Variants in NBPF11 observed in about 807,000 individuals in gnomAD.
The protein encoded by NBPF11 is NBPF family member NBPF11.
In NBPF11, 72 loss-of-function variants were observed where a neutral mutation model predicts 93.9. The ratio of observed to expected loss-of-function variants is 0.77; its 90% CI spans 0.63 to 0.93. The LOEUF (loss-of-function observed/expected upper bound fraction) is 0.93, where lower values mean the gene tolerates loss of function less well. Among genes scored for constraint, NBPF11 ranks in the 40% least tolerant of loss-of-function variants. NBPF11 has a pLI of 0.00. For missense variants in NBPF11, 705 were observed against 802.2 expected, an observed-to-expected ratio of 0.88 and a Z score of 1.46; for synonymous variants, 224 against 304.9, an observed-to-expected ratio of 0.73 and a Z score of 2.76.
intron 21 of NBPF11, among the ~76,000 whole-genome samples, chr1:148,105,756 A>T (rs1331289017): frequency 1.1e-5 from 1 of 94,458 alleles, no homozygotes; most frequent in Non-Finnish European, 1.9e-5. Context: ...AAACACACAC[A>T]CAAAGACACA....
At chr1:148,122,583 C>G (rs1668118199) in intron 8 of NBPF11, 146 bp downstream of exon 8, 12 of 1,221,252 alleles carry the variant, frequency 9.8e-6, no homozygotes, top group Admixed American at 3.4e-5. Flanking sequence ...AGCTGCCGCA[C>G]CCTGTGTCTA....
intron 6 of NBPF11, among the ~76,000 whole-genome samples, 198 bp from the exon 7 acceptor site, chr1:148,124,265 C>T (rs1220590823): frequency 6.6e-6 from 1 of 151,856 alleles, no homozygotes; most frequent in Admixed American, 6.6e-5. Flanking sequence ...GAGAGGGCTC[C>T]TGCAAGATCC....
intron 21 of NBPF11, among the ~76,000 whole-genome samples, chr1:148,105,843 C>A (rs1341483393): frequency 7.2e-6 from 1 of 139,330 alleles, no homozygotes; most frequent in Admixed American, 7.1e-5. Flanking sequence ...AGTAACAGGA[C>A]ACTCTGAGTT....
chr1:148,111,474 C>G (rs1180217315), intron 15 of NBPF11, among the ~76,000 whole-genome samples: 1 of 151,848 alleles, frequency 6.6e-6, no homozygotes, highest in African/African-American at 2.4e-5. Context: ...GGAGGATGTG[C>G]GAACTCATCG....
chr1:148,146,522 TG>T, intron 1 of NBPF11: 1 of 1,601,960 alleles, frequency 6.2e-7, no homozygotes. Context: ...GAGCCCGAGC[TG>T]GGGCCTGGTG....
At chr1:148,142,027 AG>A (rs1672258967) in intron 2 of NBPF11, among the ~76,000 whole-genome samples, 2 of 128,824 alleles carry the variant, frequency 1.6e-5, no homozygotes, top group Admixed American at 8.0e-5. Flanking sequence ...GAAGGAAGGA[AG>A]GGAGGGAGGA....
chr1:148,146,920 A>C, intron 1 of NBPF11: 1 of 1,600,302 alleles, frequency 6.2e-7, no homozygotes. Flanking sequence ...CCTGCGCACC[A>C]GGTGAGGGCG....
At chr1:148,118,197 G>T (rs1381963392) in intron 11 of NBPF11, among the ~76,000 whole-genome samples, 1 of 149,146 alleles carries the variant, frequency 6.7e-6, no homozygotes, top group African/African-American at 2.5e-5. Context: ...TTGAAAAGAC[G>T]AAAGAAGAAA....
chr1:148,108,872 C>CAG (rs1664519559), intron 17 of NBPF11, among the ~76,000 whole-genome samples: 2 of 150,164 alleles, frequency 1.3e-5, no homozygotes, highest in African/African-American at 4.9e-5. Flanking sequence ...CACACACACA[C>CAG]ACACACACAC....
chr1:148,124,587 A>G (rs1553272438), intron 6 of NBPF11, among the ~76,000 whole-genome samples: 46 of 145,398 alleles, frequency 3.2e-4, no homozygotes, highest in African/African-American at 4.9e-4. Context: ...GTGGGGTGGC[A>G]ATAGCACACC....
chr1:148,143,002 G>C (rs1672444820), intron 2 of NBPF11, among the ~76,000 whole-genome samples: 1 of 152,192 alleles, frequency 6.6e-6, no homozygotes, highest in African/African-American at 2.4e-5. Flanking sequence ...GCCTTAGCCT[G>C]GGGGATGCGG....
At chr1:148,103,995 G>C in intron 23 of NBPF11, 83 bp from the exon 24 acceptor site, 7 of 1,608,724 alleles carry the variant, frequency 4.4e-6, no homozygotes, top group Non-Finnish European at 5.9e-6. Context: ...AGTAACATAA[G>C]GAAGTGGTTG....
chr1:148,110,229 T>G, intron 16 of NBPF11, 149 bp downstream of exon 16: 3 of 929,212 alleles, frequency 3.2e-6, no homozygotes, highest in Non-Finnish European at 5.4e-6. Context: ...CAGACTCGAC[T>G]CCAGAGTGAT....
chr1:148,148,319 C>T (rs1647274000), intron 1 of NBPF11, among the ~76,000 whole-genome samples: 1 of 152,236 alleles, frequency 6.6e-6, no homozygotes, highest in African/African-American at 2.4e-5. Flanking sequence ...AGGGCGTCTG[C>T]CTGGGATCAG....
At chr1:148,138,432 G>T (rs2149283683) in intron 2 of NBPF11, among the ~76,000 whole-genome samples, 2 of 151,894 alleles carry the variant, frequency 1.3e-5, no homozygotes, top group Middle Eastern at 3.4e-3. Context: ...TTCCCATGAG[G>T]CTGTATTTCA....
intron 4 of NBPF11, among the ~76,000 whole-genome samples, chr1:148,132,132 A>ATGTG (rs1250109681): frequency 6.8e-3 from 957 of 140,374 alleles, no homozygotes; most frequent in African/African-American, 0.024. Flanking sequence ...CAATATATAT[A>ATGTG]TGTGTGTGTG....
At chr1:148,129,238 T>A (rs2149259681) in intron 4 of NBPF11, among the ~76,000 whole-genome samples, 1 of 146,936 alleles carries the variant, frequency 6.8e-6, no homozygotes, top group South Asian at 2.1e-4. Context: ...TATATACGTG[T>A]ATATACATAC....
chr1:148,146,793 C>A (rs1430501865), intron 1 of NBPF11: 1 of 1,613,240 alleles, frequency 6.2e-7, no homozygotes, highest in Non-Finnish European at 8.5e-7. Context: ...TCTACATTGG[C>A]CTGGGCTCCC....
chr1:148,102,244 C>G lies in NBPF11; in HGVS notation c.*1652G>C, dbSNP rs1280048506. 6.6e-6 allele frequency: 1 copy of G among 151,774 alleles called. No homozygotes were observed. Among genetic ancestry groups the G allele is most frequent in the Admixed American group, 6.5e-5 (1 of 15,268 alleles). The allele number at this position is 151,774 out of a possible 1,614,324, so 9.4% of individuals were successfully genotyped here. A position where few individuals can be genotyped will look rare whatever the true frequency, so the allele number is the denominator to read the frequency against. ...GAATGTTTTCTTCTTTTTGCAACAGCAGACACTAGTAAAAACAAAGGCACA... is the reference window on the plus strand; with the variant it reads ...GAATGTTTTCTTCTTTTTGCAACAGGAGACACTAGTAAAAACAAAGGCACA... On this transcript the variant is annotated 3_prime_UTR_variant, in exon 24 of 24. Transcript: ENST00000682118.
Sources: gnomAD v4.1 joint callset for allele counts (sites outside exome capture counted in the v4.1 genomes callset) on GRCh38, gnomAD v4.1.1 for gene constraint, MANE v1.5 for transcripts, NCBI Gene and HGNC (gene_info 2026-07-23, HGNC 2026-07-21) for gene names.